Variants in TVP23A observed in about 807,000 individuals in gnomAD.
TVP23A encodes Golgi apparatus membrane protein TVP23 homolog A.
TVP23A carries 21 observed loss-of-function variants against 31.7 expected under a neutral mutation model. That is an observed-to-expected ratio of 0.66 (90% CI 0.47 to 0.95). TVP23A has a LOEUF of 0.95. TVP23A is among the 40% of genes least tolerant of loss of function. TVP23A has a pLI of 0.00. For synonymous variants in TVP23A, 104 were observed against 96.0 expected, an observed-to-expected ratio of 1.08 and a Z score of -0.49; for missense variants, 279 against 255.6, an observed-to-expected ratio of 1.09 and a Z score of -0.62.
rs376701429 is a variant in TVP23A at position 10,770,868 on chromosome 16, C to CAAAAAA, written c.583-543_583-538dup. ...TGGGAGCAGAGTGAGACTCCCATCT[C>CAAAAAA]AAAAAAAAAAAAAAAAAAAAAAAAA... is the stretch of plus-strand genomic sequence containing the variant. On this transcript the variant is annotated intron_variant, in intron 6 of 7. Coordinates refer to ENST00000299866, the MANE Select transcript of TVP23A (RefSeq NM_001079512.4). 2.6e-4 allele frequency among the ~76,000 whole-genome samples: 17 copies of CAAAAAA among 66,448 alleles called. 1 individual carries two copies. The highest frequency in any genetic ancestry group is 5.8e-4 in the African/African-American group (11 of 19,014). 43.6% of individuals were successfully genotyped at this position (66,448 alleles called of 152,430 possible). A position where few individuals can be genotyped will look rare whatever the true frequency, so the allele number is the denominator to read the frequency against.
chr16:10,771,382 A>T (rs897647942), intron 6 of TVP23A, among the ~76,000 whole-genome samples: 1 of 152,076 alleles, frequency 6.6e-6, no homozygotes, highest in Non-Finnish European at 1.5e-5. Flanking sequence ...CTCTACAAAA[A>T]AAAAAGGCCA....
downstream of TVP23A, among the ~76,000 whole-genome samples, chr16:10,762,402 A>T (rs1360948104): frequency 2.6e-5 from 4 of 151,990 alleles, no homozygotes; most frequent in African/African-American, 9.7e-5. Context: ...AGAGATGCCC[A>T]CTCCCTGAGT....
chr16:10,783,158 T>C (rs930581118), intron 2 of TVP23A, among the ~76,000 whole-genome samples: 3 of 152,136 alleles, frequency 2.0e-5, no homozygotes, highest in Non-Finnish European at 2.9e-5. Flanking sequence ...AATGACTACA[T>C]GTGTGTAAAA....
rs115882680 is a variant in TVP23A at position 10,777,805 on chromosome 16, A to T, written c.90-2709T>A. 1.6e-4 allele frequency among the ~76,000 whole-genome samples: 24 copies of T among 152,104 alleles called. No individual in the cohort carries two copies. The highest frequency in any genetic ancestry group is 5.8e-4 in the African/African-American group (24 of 41,504). On this transcript the variant is annotated intron_variant, in intron 2 of 7. Transcript: ENST00000299866. This position sits in a 1 kb window ranked among gnomAD's most constrained non-coding sequence, Gnocchi z 4.5. ...GGCAGGTGGATCACGAGGTCAAGAG[A>T]CTGAGACCATCCCTGGCCAACATGG... is the stretch of plus-strand genomic sequence containing the variant.
intron 2 of TVP23A, among the ~76,000 whole-genome samples, chr16:10,798,041 C>T (rs8044592): frequency 0.027 from 4,114 of 149,752 alleles, 140 homozygotes; most frequent in East Asian, 0.12. Flanking sequence ...CTGCAAGCTC[C>T]GCCTCCCGGG....
intron 2 of TVP23A, among the ~76,000 whole-genome samples, chr16:10,803,245 CTGTGTGTGTGTGTG>C (rs3040297): frequency 4.4e-4 from 60 of 135,474 alleles, no homozygotes; most frequent in Middle Eastern, 3.8e-3. Context: ...GATCGCGCCA[CTGTGTGTGTGTGTG>C]TGTGTGTGTG....
chr16:10,814,832 G>A (rs2034363551), intron 2 of TVP23A, among the ~76,000 whole-genome samples: 1 of 152,214 alleles, frequency 6.6e-6, no homozygotes. Context: ...AGGTTCAGTG[G>A]ACAATGCACC....
intron 2 of TVP23A, among the ~76,000 whole-genome samples, chr16:10,810,391 A>G (rs1301947796): frequency 2.0e-5 from 3 of 152,002 alleles, no homozygotes; most frequent in Non-Finnish European, 4.4e-5. Context: ...TACAAAAAAT[A>G]GAAAAATTAG....
chr16:10,781,006 C>T lies in TVP23A; in HGVS notation c.90-5910G>A, dbSNP rs141616471. ...GGTGCTATTTCCACACAGTATCCAA[C>T]ATCCCCAACCCCAGCCACATAGAAA... On this transcript the variant is annotated intron_variant, in intron 2 of 7. Coordinates refer to ENST00000299866, the MANE Select transcript of TVP23A (RefSeq NM_001079512.4). 2.3e-3 allele frequency among the ~76,000 whole-genome samples: 356 copies of T among 152,266 alleles called. 1 individual carries two copies. Among genetic ancestry groups the T allele is most frequent in the African/African-American group, 8.2e-3 (342 of 41,546 alleles).
At position 10,818,742 on chromosome 16, in the gene TVP23A, G is replaced by A; in HGVS notation, c.-249C>T. The A allele has an allele frequency of 2.0e-6, 1 of 493,960 alleles. No homozygotes were observed. The highest frequency in any genetic ancestry group is 3.3e-5 in the South Asian group (1 of 30,074). The allele number at this position is 493,960 out of a possible 1,614,324, so 30.6% of individuals were successfully genotyped here. On this transcript the variant is annotated 5_prime_UTR_variant, in exon 1 of 8. Transcript: ENST00000299866. This position sits in a 1 kb window ranked among gnomAD's most constrained non-coding sequence, Gnocchi z 4.7. The stretch of plus-strand genomic sequence containing the variant: ...GGGGACGCGCCCAGGAGAGAAAGCG[G>A]CGGCAGGGAGGCAACGGCCTGGGGA...
In TVP23A at chr16:10,775,038, C is replaced by T. The variant is rs1233000753; in HGVS notation, c.148G>A (p.Val50Met). The T allele has an allele frequency of 8.1e-6, 13 of 1,611,906 alleles. No individual in the cohort carries two copies. The highest frequency in any genetic ancestry group is 6.7e-5 in the East Asian group (3 of 44,822). The change falls in exon 3 of 8, where the codon GTG (valine) becomes ATG (methionine). Residue 50 changes from valine to methionine, a missense_variant. By Grantham distance (21) the Val-to-Met change is conservative (BLOSUM62 1). Coordinates refer to ENST00000299866, the MANE Select transcript of TVP23A (RefSeq NM_001079512.4). ...CTCTTGCTGAACCAGTCGCAGCTCA[C>T]GTAGGTGACGATGGCACTCACTCGG... ...FFRVSAIVTY[V>M]SCDWFSKSFV... is the part of the protein sequence containing the mutation.
At chr16:10,773,566 T>G in intron 4 of TVP23A, 125 bp from the exon 5 acceptor site, 1 of 1,119,840 alleles carries the variant, frequency 8.9e-7, no homozygotes, top group South Asian at 1.7e-5. Flanking sequence ...GTTGTTGGTG[T>G]TGTTTTGTTT....
chr16:10,809,870 T>G (rs1811072148), intron 2 of TVP23A, among the ~76,000 whole-genome samples: 1 of 152,094 alleles, frequency 6.6e-6, no homozygotes, highest in South Asian at 2.1e-4. Flanking sequence ...GCCCAGCAAT[T>G]CCACTCCTAG....
intron 2 of TVP23A, among the ~76,000 whole-genome samples, chr16:10,811,522 A>G (rs920084603): frequency 6.6e-6 from 1 of 152,064 alleles, no homozygotes; most frequent in African/African-American, 2.4e-5. Context: ...CACCTGACTC[A>G]GCCTCCCAAA....
Position 10,768,251 on chromosome 16 carries a change from G to A in TVP23A, c.*851C>T. On this transcript the variant is annotated 3_prime_UTR_variant, in exon 8 of 8. Coordinates refer to ENST00000299866, the MANE Select transcript of TVP23A (RefSeq NM_001079512.4). The surrounding 1 kb of genome is among the most constrained non-coding windows in gnomAD (Gnocchi z 4.3). ...AAACATGGTGAGGGTGAAATTTATGGCTTAGGAAATACATCCCAATAAAGG... is the reference window on the plus strand; with the variant it reads ...AAACATGGTGAGGGTGAAATTTATGACTTAGGAAATACATCCCAATAAAGG... The A allele has an allele frequency of 2.4e-6, 1 of 411,906 alleles. No homozygotes were observed. 25.5% of individuals were successfully genotyped at this position (411,906 alleles called of 1,614,324 possible). A position where few individuals can be genotyped will look rare whatever the true frequency, so the allele number is the denominator to read the frequency against.
chr16:10,760,732 C>G (rs547579186), downstream of TVP23A, among the ~76,000 whole-genome samples: 58 of 151,448 alleles, frequency 3.8e-4, no homozygotes, highest in African/African-American at 1.3e-3. Context: ...GAGATCCTGT[C>G]TCTAAAAAAA....
At position 10,818,137 on chromosome 16, in the gene TVP23A, C is replaced by G. The variant is rs772299951; in HGVS notation, c.55G>C (p.Glu19Gln). 1 of 1,609,314 alleles carries G rather than the reference C, an allele frequency of 6.2e-7. No individual in the cohort carries two copies. The highest frequency in any genetic ancestry group is 8.5e-7 in the Non-Finnish European group (1 of 1,177,984). Residue 19 changes from glutamate to glutamine, a missense_variant, in exon 2 of 8, where the codon GAG (glutamate) becomes CAG (glutamine). Coordinates refer to ENST00000299866, the MANE Select transcript of TVP23A (RefSeq NM_001079512.4). This position sits in a 1 kb window ranked among gnomAD's most constrained non-coding sequence, Gnocchi z 4.7. ...GCTTTCCTAAAGGCCAGCTCCTCCT[C>G]GTTTCCAAAGTCCAGGGACACATCC... is the stretch of plus-strand genomic sequence containing the variant. Reference protein sequence around the residue: ...TEDVSLDFGNEEELAFRKAKI... With the variant: ...TEDVSLDFGNQEELAFRKAKI...
chr16:10,799,269 A>C (rs960089645), intron 2 of TVP23A, among the ~76,000 whole-genome samples: 4 of 152,226 alleles, frequency 2.6e-5, no homozygotes, highest in African/African-American at 9.7e-5. Context: ...GTAGCTGCTA[A>C]GTTGGGGGAA....
At chr16:10,805,134 C>T (rs1427185236) in intron 2 of TVP23A, among the ~76,000 whole-genome samples, 3 of 152,026 alleles carry the variant, frequency 2.0e-5, no homozygotes, top group Non-Finnish European at 2.9e-5. Flanking sequence ...TGGGTTCAAG[C>T]GATTCTTGTG....
Sources: allele counts gnomAD v4.1 joint callset (sites outside exome capture counted in the v4.1 genomes callset), GRCh38; gene constraint gnomAD v4.1.1; non-coding constraint Gnocchi (gnomAD v3.1); transcripts MANE v1.5; gene names NCBI Gene and HGNC (gene_info 2026-07-23, HGNC 2026-07-21).